AKAP6: variants seen among roughly 807,000 people sequenced by gnomAD.
The protein encoded by AKAP6 is A-kinase anchoring protein 6.
AKAP6 carries 58 observed loss-of-function variants against 188.5 expected under a neutral mutation model. The observed-to-expected ratio is 0.31, with a 90% CI of 0.25 to 0.38. The LOEUF (loss-of-function observed/expected upper bound fraction) is 0.38. Among genes scored for constraint, AKAP6 ranks in the 10% least tolerant of loss-of-function variants. The probability of loss-of-function intolerance (pLI) is 1.00; values close to 1 mark genes in which losing one functional copy is unlikely to be tolerated. For synonymous variants in AKAP6, 989 were observed against 998.6 expected (o/e 0.99, Z 0.18); for missense variants, 2,710 against 2,740.0 (o/e 0.99, Z 0.24).
chr14:32,577,624 AC>A (rs1884787743), intron 5 of AKAP6, among the ~76,000 whole-genome samples: 1 of 152,030 alleles, frequency 6.6e-6, no homozygotes, highest in African/African-American at 2.4e-5. Context: ...AAATTAATGA[AC>A]CTCTCATTAT....
chr14:32,752,770 A>T lies in AKAP6; in HGVS notation c.3372+16888A>T, dbSNP rs57820201. Reference sequence around the variant, plus strand: ...TATTAAAATTTTACATATAAATGAGATCACGCAGTATTTGTCTTTCTGTGC... The same window carrying T: ...TATTAAAATTTTACATATAAATGAGTTCACGCAGTATTTGTCTTTCTGTGC... On this transcript the variant is annotated intron_variant, in intron 11 of 13. Transcript: ENST00000280979. Among the ~76,000 whole-genome samples, 1,179 of 152,282 alleles carry T rather than the reference A, an allele frequency of 7.7e-3. 10 individuals carry two copies. Among genetic ancestry groups the T allele is most frequent in the African/African-American group, 0.027 (1,121 of 41,544 alleles).
chr14:32,418,052 C>T (rs1321722768), intron 1 of AKAP6: 3 of 152,130 alleles, frequency 2.0e-5, no homozygotes, highest in African/African-American at 4.8e-5. Flanking sequence ...CAGAATTTGT[C>T]TGAGATTCAT....
chr14:32,650,384 G>A (rs937283715), intron 7 of AKAP6, among the ~76,000 whole-genome samples: 17 of 152,064 alleles, frequency 1.1e-4, no homozygotes, highest in South Asian at 2.1e-4. Context: ...AGGCTGGGGC[G>A]GGCGGATTGC....
At chr14:32,503,121 G>C (rs1473149770) in intron 2 of AKAP6, among the ~76,000 whole-genome samples, 3 of 151,472 alleles carry the variant, frequency 2.0e-5, no homozygotes, top group African/African-American at 7.3e-5. Flanking sequence ...ATTTTTTTTT[G>C]CTCTGTGTCT....
At chr14:32,761,995 A>G (rs2032556102) in intron 11 of AKAP6, among the ~76,000 whole-genome samples, 1 of 152,158 alleles carries the variant, frequency 6.6e-6, no homozygotes, top group Non-Finnish European at 1.5e-5. Context: ...TGTTGTAAAT[A>G]GATTTCAAAA....
intron 4 of AKAP6, among the ~76,000 whole-genome samples, chr14:32,562,513 T>A (rs28689039): frequency 0.014 from 2,161 of 152,284 alleles, 43 homozygotes; most frequent in African/African-American, 0.046. Context: ...ATCTCAGCAC[T>A]TTGGGAAGCT....
intron 7 of AKAP6, among the ~76,000 whole-genome samples, chr14:32,677,496 G>C (rs1242625332): frequency 6.6e-6 from 1 of 152,226 alleles, no homozygotes; most frequent in East Asian, 1.9e-4. Context: ...CATGAACTCA[G>C]CATTGCTCCT....
intron 3 of AKAP6, among the ~76,000 whole-genome samples, chr14:32,543,485 T>C (rs1249848753): frequency 6.6e-6 from 1 of 152,200 alleles, no homozygotes; most frequent in African/African-American, 2.4e-5. Flanking sequence ...TTGGCTATCA[T>C]GAATAGTGCT....
intron 7 of AKAP6, among the ~76,000 whole-genome samples, chr14:32,637,901 A>G (rs1887578214): frequency 6.6e-6 from 1 of 152,074 alleles, no homozygotes; most frequent in Non-Finnish European, 1.5e-5. Context: ...TTACACTGGA[A>G]TTGTCGGAAG....
At chr14:32,353,890 C>A (rs1887384428) in intron 1 of AKAP6, among the ~76,000 whole-genome samples, 1 of 152,022 alleles carries the variant, frequency 6.6e-6, no homozygotes, top group South Asian at 2.1e-4. Flanking sequence ...ACCTAGGAAT[C>A]CAACTTACAA....
intron 2 of AKAP6, among the ~76,000 whole-genome samples, chr14:32,503,047 G>T (rs1053822115): frequency 6.6e-6 from 1 of 152,004 alleles, no homozygotes; most frequent in Admixed American, 6.6e-5. Context: ...CTAATTTACC[G>T]TCCAACCAGG....
intron 7 of AKAP6, among the ~76,000 whole-genome samples, chr14:32,607,261 A>G (rs1886162281): frequency 6.6e-6 from 1 of 152,226 alleles, no homozygotes; most frequent in Non-Finnish European, 1.5e-5. Flanking sequence ...TGTAGTTAGC[A>G]TGTTCCTTAA....
intron 3 of AKAP6, among the ~76,000 whole-genome samples, chr14:32,538,836 A>G (rs759599642): frequency 7.9e-5 from 12 of 152,168 alleles, no homozygotes; most frequent in Non-Finnish European, 1.2e-4. Context: ...CTGCACATGT[A>G]CCCCAGAACT....
chr14:32,551,350 T>C (rs535945040), intron 4 of AKAP6, among the ~76,000 whole-genome samples: 1 of 152,186 alleles, frequency 6.6e-6, no homozygotes, highest in South Asian at 2.1e-4. Context: ...GGTGGGCAGA[T>C]CACTTGAGGT....
intron 9 of AKAP6, among the ~76,000 whole-genome samples, chr14:32,707,746 T>C (rs567355947): frequency 1.3e-5 from 2 of 152,106 alleles, no homozygotes; most frequent in African/African-American, 4.8e-5. Context: ...CATTACTTTT[T>C]CAACAAAACA....
intron 2 of AKAP6, among the ~76,000 whole-genome samples, chr14:32,491,268 G>A (rs80219569): frequency 0.02 from 2,978 of 152,168 alleles, 53 homozygotes; most frequent in South Asian, 0.087. Context: ...ACCAAATTAC[G>A]TCTATTTTAT....
At chr14:32,449,608 A>G (rs1890871994) in intron 2 of AKAP6, among the ~76,000 whole-genome samples, 1 of 152,062 alleles carries the variant, frequency 6.6e-6, no homozygotes, top group South Asian at 2.1e-4. Context: ...CTCTGGTCCC[A>G]TAAAGAGGGA....
At chr14:32,688,089 T>A (rs963775840) in intron 8 of AKAP6, among the ~76,000 whole-genome samples, 4 of 151,226 alleles carry the variant, frequency 2.6e-5, no homozygotes, top group Admixed American at 1.3e-4. Flanking sequence ...AACAGTGTAG[T>A]CAACTGATGA....
chr14:32,443,444 C>G (rs1051301900), intron 2 of AKAP6, among the ~76,000 whole-genome samples: 1 of 151,882 alleles, frequency 6.6e-6, no homozygotes, highest in African/African-American at 2.4e-5. Flanking sequence ...CCCCACACAA[C>G]TCATTGCCCA....
Sources: allele counts gnomAD v4.1 joint callset (sites outside exome capture counted in the v4.1 genomes callset), GRCh38; gene constraint gnomAD v4.1.1; transcripts MANE v1.5; gene names NCBI Gene and HGNC (gene_info 2026-07-23, HGNC 2026-07-21).